STAMBP: variants seen among roughly 807,000 people sequenced by gnomAD.
STAMBP encodes the protein STAM binding protein.
STAMBP carries 31 observed loss-of-function variants against 50.7 expected under a neutral mutation model. The ratio of observed to expected loss-of-function variants is 0.61; its 90% CI spans 0.46 to 0.83. The LOEUF (loss-of-function observed/expected upper bound fraction) is 0.83, where lower values mean the gene tolerates loss of function less well. Ranked by LOEUF, STAMBP falls within the 40% of genes least tolerant of loss-of-function variation. The probability of loss-of-function intolerance (pLI) is 0.00; values close to 1 mark genes in which losing one functional copy is unlikely to be tolerated. For missense variants in STAMBP, 472 were observed against 518.9 expected, an observed-to-expected ratio of 0.91 and a Z score of 0.88; for synonymous variants, 211 against 192.4, an observed-to-expected ratio of 1.10 and a Z score of -0.80.
chr2:73,841,619 A>G (rs186826624), intron 2 of STAMBP, among the ~76,000 whole-genome samples: 11 of 152,294 alleles, frequency 7.2e-5, no homozygotes, highest in Admixed American at 2.0e-4. Context: ...GTGTTAGTGT[A>G]TTTTATGTAT....
Position 73,860,103 on chromosome 2 carries a change from T to C in STAMBP, c.1170T>C (p.Cys390=). Residue 390 remains cysteine (C), a synonymous_variant, in exon 9 of 10, where the codon TGT becomes TGC. Transcript: ENST00000394070. ...ATGGACTAGAGGAGATTTCTTCCTG[T>C]CGCCAGAAAGGATTTCATCCACACA... ...TDHGLEEISS[C]RQKGFHPHSK... 6.2e-7 allele frequency: 1 copy of C among 1,614,064 alleles called. No individual in the cohort carries two copies. Among genetic ancestry groups the C allele is most frequent in the South Asian group, 1.1e-5 (1 of 91,066 alleles).
Position 73,865,525 on chromosome 2 carries a change from C to T in STAMBP, c.*3266C>T, listed in dbSNP as rs1236307143. On this transcript the variant is annotated 3_prime_UTR_variant, in exon 10 of 10. Transcript: ENST00000394070. ...TAGATCAGGACTATTGGAATATTAT[C>T]CTCTCCAGGGGAAGTGCCAGGTTGA... The T allele has an allele frequency of 2.0e-5, 3 of 152,130 alleles. No individual in the cohort carries two copies. Among genetic ancestry groups the T allele is most frequent in the African/African-American group, 7.2e-5 (3 of 41,416 alleles). The allele number at this position is 152,130 out of a possible 1,614,324, so 9.4% of individuals were successfully genotyped here.
At position 73,841,881 on chromosome 2, in the gene STAMBP, C is replaced by T. The variant is rs578101338; in HGVS notation, c.204-2932C>T. Among the ~76,000 whole-genome samples, 7 of 152,316 alleles carry T rather than the reference C, an allele frequency of 4.6e-5. No individual in the cohort carries two copies. In the South Asian group the frequency reaches 1.4e-3, roughly 32 times the overall value. On this transcript the variant is annotated intron_variant, in intron 2 of 9. Coordinates refer to ENST00000394070, the MANE Select transcript of STAMBP (RefSeq NM_213622.4). Reference sequence around the variant, plus strand: ...TGTTTCAGGAGACCTTTTTGCCCATCTATCCCCATTCAGAAAACTGGCTAC... The same window carrying T: ...TGTTTCAGGAGACCTTTTTGCCCATTTATCCCCATTCAGAAAACTGGCTAC...
At chr2:73,847,294 A>C in intron 4 of STAMBP, 93 bp from the exon 5 acceptor site, 1 of 1,472,662 alleles carries the variant, frequency 6.8e-7, no homozygotes, top group Non-Finnish European at 9.1e-7. Flanking sequence ...GCAGAAGTAC[A>C]TTTTGGAAAT....
downstream of STAMBP, among the ~76,000 whole-genome samples, chr2:73,869,493 G>C (rs894571692): frequency 6.6e-6 from 1 of 152,090 alleles, no homozygotes; most frequent in African/African-American, 2.4e-5. Flanking sequence ...CTGCTAAAAA[G>C]TATCATTTTT....
chr2:73,859,697 TAAA>T (rs1301545267), intron 8 of STAMBP, among the ~76,000 whole-genome samples: 1 of 136,240 alleles, frequency 7.3e-6, no homozygotes, highest in Non-Finnish European at 1.5e-5. Context: ...AAATAAAAAA[TAAA>T]AAATAAAAAA....
rs1255494959 is a variant in STAMBP at position 73,863,355 on chromosome 2, A to C, written c.*1096A>C. The C allele has an allele frequency of 6.6e-6, 1 of 152,222 alleles. No homozygotes were observed. Among genetic ancestry groups the C allele is most frequent in the Non-Finnish European group, 1.5e-5 (1 of 68,048 alleles). The allele number at this position is 152,222 out of a possible 1,614,324, so 9.4% of individuals were successfully genotyped here. A position where few individuals can be genotyped will look rare whatever the true frequency, so the allele number is the denominator to read the frequency against. Reference sequence around the variant, plus strand: ...TGGTGTTCTAGGTGGCCTAGAAATAATGGTGTCATTTGTGACACCTCGAGT... The same window carrying C: ...TGGTGTTCTAGGTGGCCTAGAAATACTGGTGTCATTTGTGACACCTCGAGT... On this transcript the variant is annotated 3_prime_UTR_variant, in exon 10 of 10. Transcript: ENST00000394070.
downstream of STAMBP, among the ~76,000 whole-genome samples, chr2:73,869,792 C>T (rs1037338380): frequency 5.3e-5 from 8 of 151,386 alleles, no homozygotes; most frequent in Non-Finnish European, 7.4e-5. Context: ...TGATACTGAC[C>T]GAGGACTAGA....
In STAMBP at chr2:73,849,387, A is replaced by G. The variant is rs1200687710; in HGVS notation, c.767A>G (p.His256Arg). The G allele has an allele frequency of 6.2e-7, 1 of 1,612,204 alleles. No individual in the cohort carries two copies. Among genetic ancestry groups the G allele is most frequent in the Admixed American group, 1.7e-5 (1 of 59,888 alleles). Residue 256 changes from histidine to arginine, a missense_variant, in exon 6 of 10, where the codon CAT (histidine) becomes CGT (arginine). Physicochemically the swap from His to Arg is conservative, Grantham distance 29. Coordinates refer to ENST00000394070, the MANE Select transcript of STAMBP (RefSeq NM_213622.4). ...ESIPTIDGLR[H>R]VVVPGRLCPQ... ...GTTCCCACAATCGATGGATTGCGCCATGTGGTGGTGCCTGGGCGGCTGTGC... is the reference window on the plus strand; with the variant it reads ...GTTCCCACAATCGATGGATTGCGCCGTGTGGTGGTGCCTGGGCGGCTGTGC...
chr2:73,865,786 T>C lies in STAMBP; in HGVS notation c.*3527T>C, dbSNP rs1358908236. On this transcript the variant is annotated 3_prime_UTR_variant, in exon 10 of 10. Coordinates refer to ENST00000394070, the MANE Select transcript of STAMBP (RefSeq NM_213622.4). ...TACAGTTGGGGTGCGGTTGCTTCTA[T>C]CTTCTGGACCTCTGCCCATTCAGCA... The C allele has an allele frequency of 6.6e-6, 1 of 151,394 alleles. No individual in the cohort carries two copies. Among genetic ancestry groups the C allele is most frequent in the Non-Finnish European group, 1.5e-5 (1 of 67,850 alleles). 9.4% of individuals were successfully genotyped at this position (151,394 alleles called of 1,614,324 possible). A position where few individuals can be genotyped will look rare whatever the true frequency, so the allele number is the denominator to read the frequency against.
chr2:73,840,108 C>T (rs1029585380), intron 2 of STAMBP, among the ~76,000 whole-genome samples: 7 of 152,134 alleles, frequency 4.6e-5, no homozygotes, highest in African/African-American at 1.7e-4. Context: ...TCTGTTCCCC[C>T]ATTGTAATGT....
intron 4 of STAMBP, among the ~76,000 whole-genome samples, chr2:73,845,618 T>A (rs1414708923): frequency 1.3e-5 from 2 of 151,840 alleles, no homozygotes; most frequent in Non-Finnish European, 2.9e-5. Context: ...TTTATAAGAA[T>A]TGACTTTTCA....
chr2:73,855,451 T>C (rs953090439), intron 7 of STAMBP, among the ~76,000 whole-genome samples: 1 of 152,196 alleles, frequency 6.6e-6, no homozygotes, highest in Non-Finnish European at 1.5e-5. Flanking sequence ...GCAAAGTTTT[T>C]TGATTCTGTT....
At chr2:73,855,905 G>C (rs1677492731) in intron 7 of STAMBP, among the ~76,000 whole-genome samples, 1 of 152,192 alleles carries the variant, frequency 6.6e-6, no homozygotes, top group South Asian at 2.1e-4. Context: ...TTGGACAGCA[G>C]GTTTGAAAAC....
chr2:73,869,584 G>A (rs1679117892), downstream of STAMBP, among the ~76,000 whole-genome samples: 1 of 152,004 alleles, frequency 6.6e-6, no homozygotes, highest in African/African-American at 2.4e-5. Flanking sequence ...GAATTTTGGG[G>A]GAAATTTATT....
In STAMBP at chr2:73,862,307, A is replaced by G. The variant is rs375155917; in HGVS notation, c.*48A>G. On this transcript the variant is annotated 3_prime_UTR_variant, in exon 10 of 10. Coordinates refer to ENST00000394070, the MANE Select transcript of STAMBP (RefSeq NM_213622.4). ...AAGAACAACAAAACCATATCAGTGT[A>G]CTGTAGCCCCTTAATTTAAGCTTTC... 6.6e-7 allele frequency: 1 copy of G among 1,523,196 alleles called. No individual in the cohort carries two copies. Among genetic ancestry groups the G allele is most frequent in the Non-Finnish European group, 8.9e-7 (1 of 1,129,626 alleles). 94.4% of individuals were successfully genotyped at this position (1,523,196 alleles called of 1,614,324 possible).
At chr2:73,832,085 A>T (rs1673998948) in intron 2 of STAMBP, among the ~76,000 whole-genome samples, 1 of 98,734 alleles carries the variant, frequency 1.0e-5, no homozygotes, top group African/African-American at 5.7e-5. Flanking sequence ...AGTAGGTAAC[A>T]TATATATATA....
At position 73,844,864 on chromosome 2, in the gene STAMBP, T is replaced by C. The variant is rs11542501; in HGVS notation, c.255T>C (p.Ile85=). 6.2e-7 allele frequency: 1 copy of C among 1,614,058 alleles called. No individual in the cohort carries two copies. Among genetic ancestry groups the C allele is most frequent in the Non-Finnish European group, 8.5e-7 (1 of 1,180,000 alleles). ...ATCGAGATTACAAATCTGCTGTCATTCCTGAAAAGAAAGACACAGTAAAGG... is the reference window on the plus strand; with the variant it reads ...ATCGAGATTACAAATCTGCTGTCATCCCTGAAAAGAAAGACACAGTAAAGG... The part of the protein sequence containing the change: ...PKHRDYKSAV[I]PEKKDTVKKL... Residue 85 remains isoleucine (I), a synonymous_variant, in exon 3 of 10, where the codon ATT becomes ATC. Transcript: ENST00000394070.
intron 2 of STAMBP, among the ~76,000 whole-genome samples, chr2:73,841,604 AGTTAGT>A (rs1435857742): frequency 1.3e-5 from 2 of 152,294 alleles, no homozygotes; most frequent in Admixed American, 1.3e-4. Context: ...TTCATTAGCT[AGTTAGT>A]GTTAGTGTAT....
Sources: allele counts gnomAD v4.1 joint callset (sites outside exome capture counted in the v4.1 genomes callset), GRCh38; gene constraint gnomAD v4.1.1; transcripts MANE v1.5; gene names NCBI Gene and HGNC (gene_info 2026-07-23, HGNC 2026-07-21).